The following CAPRIN2 variants were observed in gnomAD, a reference collection of about 807,000 sequenced individuals.
CAPRIN2 encodes caprin family member 2, also known as caprin-2.
Under a neutral mutation model 130.4 loss-of-function variants are expected in CAPRIN2, and 66 were observed. That is an observed-to-expected ratio of 0.51 (90% confidence interval 0.42 to 0.62). The LOEUF (loss-of-function observed/expected upper bound fraction) is 0.62. CAPRIN2 is among the 20% of genes least tolerant of loss of function. The pLI is 0.00. For synonymous variants in CAPRIN2, 471 were observed against 444.1 expected, an observed-to-expected ratio of 1.06 and a Z score of -0.76; for missense variants, 1,185 against 1,246.6, an observed-to-expected ratio of 0.95 and a Z score of 0.74.
chr12:30,746,771 G>A (rs978213480), intron 2 of CAPRIN2, among the ~76,000 whole-genome samples: 1 of 152,190 alleles, frequency 6.6e-6, no homozygotes, highest in African/African-American at 2.4e-5. Context: ...TGGTTCATGA[G>A]GTTTAAGGAA....
In CAPRIN2 at chr12:30,723,320, A is replaced by G. The variant is rs76973125; in HGVS notation, c.1988-6T>C. 6.2e-7 allele frequency: 1 copy of G among 1,607,234 alleles called. No homozygotes were observed. The highest frequency in any genetic ancestry group is 1.1e-5 in the South Asian group (1 of 90,922). ...CAGATTTTGTTCTTTAGATGCTGCA[A>G]GGAGTAAAATAAACAGTAACTACTG... is the stretch of plus-strand genomic sequence containing the variant. On this transcript the variant is annotated splice_polypyrimidine_tract_variant and splice_region_variant and intron_variant, in intron 10 of 16. Coordinates refer to ENST00000298892, the Ensembl canonical transcript of CAPRIN2.
At chr12:30,751,077 G>A in exon 2 of CAPRIN2, 3 of 1,613,144 alleles carry the variant, frequency 1.9e-6, no homozygotes, top group Non-Finnish European at 2.5e-6. Context: ...TTACCAACTG[G>A]TCTGGATTAA....
chr12:30,710,559 A>C lies in CAPRIN2; in HGVS notation c.2666-89T>G, dbSNP rs145685451. 6.4e-7 allele frequency: 1 copy of C among 1,567,972 alleles called. No individual in the cohort carries two copies. Among genetic ancestry groups the C allele is most frequent in the East Asian group, 2.2e-5 (1 of 44,468 alleles). ...CATTAGTCGGCTACTGAAACAGACA[A>C]AGATACATTTTATAGTAAATTCCAA... On this transcript the variant is annotated intron_variant, in intron 16 of 16. Coordinates refer to ENST00000298892, the Ensembl canonical transcript of CAPRIN2. The surrounding 1 kb of genome is among the most constrained non-coding windows in gnomAD (Gnocchi z 4.8).
chr12:30,712,044 A>G (rs906318153), intron 15 of CAPRIN2, among the ~76,000 whole-genome samples: 6 of 152,204 alleles, frequency 3.9e-5, no homozygotes, highest in Non-Finnish European at 8.8e-5. Flanking sequence ...GGGAAGACCA[A>G]TACCAACTGT....
At chr12:30,731,646 TAGTTTACAAC>T in intron 5 of CAPRIN2, 136 bp from the exon 7 acceptor site, 2 of 692,624 alleles carry the variant, frequency 2.9e-6, no homozygotes, top group Non-Finnish European at 4.7e-6. Context: ...ATCCTTACAA[TAGTTTACAAC>T]AGTTTACACT....
intron 5 of CAPRIN2, 61 bp from the exon 7 acceptor site, chr12:30,731,571 G>A: frequency 7.3e-7 from 1 of 1,361,412 alleles, no homozygotes; most frequent in Non-Finnish European, 1.0e-6. Flanking sequence ...ACTGGGAATA[G>A]AAATCCTAAT....
rs2057686322 is a variant in CAPRIN2 at position 30,716,682 on chromosome 12, A to G, written c.2149-6T>C. 6.2e-7 allele frequency: 1 copy of G among 1,612,890 alleles called. No individual in the cohort carries two copies. Among genetic ancestry groups the G allele is most frequent in the African/African-American group, 1.3e-5 (1 of 74,818 alleles). ...GGTGCATTAACGTTAAATACCTTAA[A>G]AGACAAGGACACACTGAGTCATTTG... On this transcript the variant is annotated splice_polypyrimidine_tract_variant and splice_region_variant and intron_variant, in intron 12 of 16. Transcript: ENST00000298892.
At chr12:30,734,166 T>C (rs1844256437) in intron 4 of CAPRIN2, among the ~76,000 whole-genome samples, 2 of 152,368 alleles carry the variant, frequency 1.3e-5, no homozygotes. Context: ...GGAGGCAATG[T>C]ATAGATGATG....
At chr12:30,753,243 T>C (rs1485434597) in intron 1 of CAPRIN2, 101 bp downstream of exon 2, 4 of 956,476 alleles carry the variant, frequency 4.2e-6, no homozygotes, top group Non-Finnish European at 4.7e-6. Context: ...CTAAGGTTAG[T>C]TAAATTTTTA....
At chr12:30,741,147 T>G in intron 2 of CAPRIN2, 41 bp from the exon 4 acceptor site, 1 of 1,149,282 alleles carries the variant, frequency 8.7e-7, no homozygotes, top group Non-Finnish European at 1.3e-6. Flanking sequence ...TGTGACTGTT[T>G]AAGTATAAAT....
At chr12:30,718,944 A>C in intron 12 of CAPRIN2, 135 bp downstream of exon 14, 1 of 1,005,322 alleles carries the variant, frequency 9.9e-7, no homozygotes, top group Non-Finnish European at 1.4e-6. Context: ...GCCATTGGCC[A>C]AATATAATTC....
intron 15 of CAPRIN2, 168 bp from the exon 18 acceptor site, chr12:30,711,797 G>T (rs868184018): frequency 4.3e-6 from 3 of 703,572 alleles, no homozygotes; most frequent in African/African-American, 1.7e-5. Flanking sequence ...GAAAAACAAA[G>T]CAAGGGCAAC....
In CAPRIN2 at chr12:30,732,445, T is replaced by A. The variant is rs897667538; in HGVS notation, c.893-935A>T. On this transcript the variant is annotated intron_variant, in intron 5 of 16. Coordinates refer to ENST00000298892, the Ensembl canonical transcript of CAPRIN2. ...ATAATTTACAGGCAAAATCCTCCTA[T>A]CTTAACTATACAGTTTTAACAGATA... 3.3e-5 allele frequency among the ~76,000 whole-genome samples: 5 copies of A among 152,090 alleles called. No homozygotes were observed. The East Asian group carries it at 9.6e-4, about 29-fold the overall frequency.
intron 12 of CAPRIN2, among the ~76,000 whole-genome samples, chr12:30,717,163 A>G (rs2057867213): frequency 6.6e-6 from 1 of 152,254 alleles, no homozygotes; most frequent in Admixed American, 6.5e-5. Flanking sequence ...TATTCAGAAT[A>G]GCCAAAAGGT....
intron 7 of CAPRIN2, 77 bp downstream of exon 8, chr12:30,730,162 G>C: frequency 8.2e-7 from 1 of 1,222,336 alleles, no homozygotes; most frequent in Non-Finnish European, 1.2e-6. Flanking sequence ...TCTGGCTCCA[G>C]AGCCTTAGCT....
rs528039730 is a variant in CAPRIN2, at chr12:30,744,883, A to G, written c.484-3777T>C. On this transcript the variant is annotated intron_variant, in intron 2 of 16. Transcript: ENST00000298892. ...AAAGATAGTTCAGATGATCTTAGAG[A>G]GCATCAGATATGGTCAAGATTCTGA... Among the ~76,000 whole-genome samples the G allele has an allele frequency of 5.9e-5, 9 of 152,336 alleles. No homozygotes were observed. The South Asian group carries it at 1.7e-3, about 28-fold the overall frequency.
exon 8 of CAPRIN2, chr12:30,729,174 G>A: frequency 6.2e-7 from 1 of 1,614,014 alleles, no homozygotes; most frequent in Non-Finnish European, 8.5e-7. Flanking sequence ...GGACTTAAAG[G>A]ACTCCTGTTT....
At chr12:30,740,568 A>T (rs1314416679) in intron 3 of CAPRIN2, among the ~76,000 whole-genome samples, 1 of 152,184 alleles carries the variant, frequency 6.6e-6, no homozygotes, top group African/African-American at 2.4e-5. Flanking sequence ...ATTTAACATG[A>T]GTCATTAATT....
chr12:30,739,300 GA>G (rs2066271369), intron 3 of CAPRIN2, among the ~76,000 whole-genome samples: 1 of 152,160 alleles, frequency 6.6e-6, no homozygotes, highest in African/African-American at 2.4e-5. Flanking sequence ...AGCTAACACA[GA>G]AACAGAAAGC....
Sources: allele counts gnomAD v4.1 joint callset (sites outside exome capture counted in the v4.1 genomes callset), GRCh38; gene constraint gnomAD v4.1.1; non-coding constraint Gnocchi (gnomAD v3.1); transcripts MANE v1.5; gene names NCBI Gene and HGNC (gene_info 2026-07-23, HGNC 2026-07-21).